Variants in FAM110C observed in about 807,000 individuals in gnomAD.
FAM110C encodes protein FAM110C.
Under a neutral mutation model 15.7 loss-of-function variants are expected in FAM110C, and 19 were observed. The ratio of observed to expected loss-of-function variants is 1.21; its 90% confidence interval spans 0.85 to 1.78. The LOEUF (loss-of-function observed/expected upper bound fraction) is 1.78. Among genes scored for constraint, FAM110C ranks in the 40% most tolerant of loss-of-function variants. FAM110C has a pLI of 0.00. For missense variants in FAM110C, 547 were observed against 495.7 expected, an observed-to-expected ratio of 1.10 and a Z score of -0.98; for synonymous variants, 275 against 233.9, an observed-to-expected ratio of 1.18 and a Z score of -1.61.
chr2:42,171 A>G, intron 1 of FAM110C: 1 of 985,454 alleles, frequency 1.0e-6, no homozygotes, highest in Non-Finnish European at 1.2e-6. Flanking sequence ...GAAGAAAGGA[A>G]AAGAAAGCTG....
Position 41,574 on chromosome 2 carries a change from C to T in FAM110C, c.*34G>A, listed in dbSNP as rs1442794729. On this transcript the variant is annotated 3_prime_UTR_variant, in exon 2 of 2. Transcript: ENST00000327669. ...CACTAGCCAAATGGTCCTGGGATCC[C>T]AAATCACCCATGAAATCCTTCAAGA... 3 of 1,613,222 alleles carry T rather than the reference C, an allele frequency of 1.9e-6. No individual in the cohort carries two copies. The Admixed American group carries it at 5.0e-5, about 27-fold the overall frequency.
In FAM110C at chr2:46,205, C is replaced by T. The variant is rs776334874; in HGVS notation, c.181G>A (p.Glu61Lys). The change falls in exon 1 of 2, where the codon GAG becomes AAG. Residue 61 changes from glutamate (E) to lysine (K), a missense_variant. Physicochemically the swap from Glu to Lys is moderately conservative, Grantham distance 56. Coordinates refer to ENST00000327669, the MANE Select transcript of FAM110C (RefSeq NM_001077710.3). ...TTGATCGCCCCCGGGCCGCTGCCCT[C>T]GGAAGCGACGCCCCGGCCAGTCCCC... The part of the protein sequence containing the change: ...RPGTGRGVAS[E>K]GSGPGAIKCP... 7.3e-7 allele frequency: 1 copy of T among 1,375,218 alleles called. No individual in the cohort carries two copies. Among genetic ancestry groups the T allele is most frequent in the South Asian group, 1.7e-5 (1 of 58,708 alleles). The allele number at this position is 1,375,218 out of a possible 1,614,324, so 85.2% of individuals were successfully genotyped here. A position where few individuals can be genotyped will look rare whatever the true frequency, so the allele number is the denominator to read the frequency against.
intron 1 of FAM110C, chr2:44,795 T>G (rs1031326936): frequency 1.0e-6 from 1 of 985,286 alleles, no homozygotes; most frequent in African/African-American, 1.7e-5. Context: ...TTTCCCCAGT[T>G]TAAAAACCTG....
chr2:46,426 G>A lies in FAM110C; in HGVS notation c.-41C>T. On this transcript the variant is annotated 5_prime_UTR_variant, in exon 1 of 2. Coordinates refer to ENST00000327669, the MANE Select transcript of FAM110C (RefSeq NM_001077710.3). Reference sequence around the variant, plus strand: ...ACCGACCGGGGTTCCGGGTCCAGCGGAGACGCGCTCGAGTGGTAGAGCCAG... The same window carrying A: ...ACCGACCGGGGTTCCGGGTCCAGCGAAGACGCGCTCGAGTGGTAGAGCCAG... 8.0e-7 allele frequency: 1 copy of A among 1,250,206 alleles called. No individual in the cohort carries two copies. The highest frequency in any genetic ancestry group is 1.0e-6 in the Non-Finnish European group (1 of 994,272). The allele number at this position is 1,250,206 out of a possible 1,614,324, so 77.4% of individuals were successfully genotyped here.
At position 45,588 on chromosome 2, in the gene FAM110C, G is replaced by C. The variant is rs1558182100; in HGVS notation, c.798C>G (p.Gly266=). The part of the protein sequence containing the change: ...SGSGFSRHSG[G]DDEGLQEEEL... ...CCTCCTCCTGCAGCCCCTCGTCGTCGCCGCCGCTGTGCCGGGAGAAGCCGC... is the reference window on the plus strand; with the variant it reads ...CCTCCTCCTGCAGCCCCTCGTCGTCCCCGCCGCTGTGCCGGGAGAAGCCGC... Residue 266 remains glycine, a synonymous_variant, in exon 1 of 2, where the codon GGC becomes GGG. Coordinates refer to ENST00000327669, the MANE Select transcript of FAM110C (RefSeq NM_001077710.3). The C allele has an allele frequency of 6.2e-7, 1 of 1,612,474 alleles. No homozygotes were observed. Among genetic ancestry groups the C allele is most frequent in the East Asian group, 2.2e-5 (1 of 44,862 alleles).
intron 1 of FAM110C, chr2:44,327 A>G (rs1664216880): frequency 1.0e-6 from 1 of 985,168 alleles, no homozygotes; most frequent in Non-Finnish European, 1.2e-6. Flanking sequence ...TGTCTGTACT[A>G]AAGTCATAGC....
chr2:39,471 GCA>G lies in FAM110C; in HGVS notation c.*2135_*2136del, dbSNP rs1443039213. The G allele has an allele frequency of 1.3e-5, 2 of 152,162 alleles. No individual in the cohort carries two copies. Among genetic ancestry groups the G allele is most frequent in the African/African-American group, 4.8e-5 (2 of 41,430 alleles). 9.4% of individuals were successfully genotyped at this position (152,162 alleles called of 1,614,324 possible). ...CACATACTCAAGATATGGAGCTGTG[GCA>G]TGAATCTGAATGGAAGGGAAGGAAA... On this transcript the variant is annotated 3_prime_UTR_variant, in exon 2 of 2. Coordinates refer to ENST00000327669, the MANE Select transcript of FAM110C (RefSeq NM_001077710.3).
chr2:41,895 C>T, intron 1 of FAM110C: 1 of 985,412 alleles, frequency 1.0e-6, no homozygotes, highest in Non-Finnish European at 1.2e-6. Context: ...TTGCCTCCAA[C>T]TACTCATGGG....
At chr2:42,954 G>A in intron 1 of FAM110C, 1 of 985,436 alleles carries the variant, frequency 1.0e-6, no homozygotes, top group Non-Finnish European at 1.2e-6. Context: ...GACTTCTGCA[G>A]GAAGTCAGAG....
At chr2:42,281 G>C in intron 1 of FAM110C, 5 of 985,276 alleles carry the variant, frequency 5.1e-6, no homozygotes, top group Non-Finnish European at 6.0e-6. Flanking sequence ...TTTTTTCTTT[G>C]TGTCAAGGAT....
Position 45,807 on chromosome 2 carries a change from C to A in FAM110C, c.579G>T (p.Arg193Ser), listed in dbSNP as rs1432180451. Residue 193 changes from arginine to serine, a missense_variant, in exon 1 of 2, where the codon AGG becomes AGT. Coordinates refer to ENST00000327669, the MANE Select transcript of FAM110C (RefSeq NM_001077710.3). ...ACTGTGAGCGCTGCAGCCCCCGACG[C>A]CTCACCACCCGCGGCTCTGGCCCAG... ...APPGPEPRVVRRRGLQRSQSD... is the reference protein window; with the variant it reads ...APPGPEPRVVSRRGLQRSQSD... 1.3e-6 allele frequency: 2 copies of A among 1,549,044 alleles called. No individual in the cohort carries two copies. Among genetic ancestry groups the A allele is most frequent in the Non-Finnish European group, 1.7e-6 (2 of 1,150,842 alleles).
In FAM110C at chr2:45,828, C is replaced by T. The variant is rs977659060; in HGVS notation, c.558G>A (p.Gly186=). Residue 186 remains glycine (G), a synonymous_variant, in exon 1 of 2, where the codon GGG becomes GGA. Coordinates refer to ENST00000327669, the MANE Select transcript of FAM110C (RefSeq NM_001077710.3). ...GACGCCTCACCACCCGCGGCTCTGG[C>T]CCAGGGGGCGCGGCCGGGACACTGG... ...APSSVPAAPP[G]PEPRVVRRRG... The T allele has an allele frequency of 6.5e-7, 1 of 1,541,858 alleles. No homozygotes were observed.
rs1553274138 is a variant in FAM110C at position 45,728 on chromosome 2, G to C, written c.658C>G (p.Gln220Glu). 1.9e-6 allele frequency: 3 copies of C among 1,599,688 alleles called. No individual in the cohort carries two copies. In the South Asian group the frequency reaches 3.4e-5, roughly 18 times the overall value. The change falls in exon 1 of 2, where the codon CAG (glutamine) becomes GAG (glutamate). Residue 220 changes from glutamine to glutamate, a missense_variant. Coordinates refer to ENST00000327669, the MANE Select transcript of FAM110C (RefSeq NM_001077710.3). ...ACCTCGGGGTCCAGGCCGCAGTACT[G>C]GAAGAAGGTGTCAGACTCGGCCAAG... is the stretch of plus-strand genomic sequence containing the variant. Reference protein sequence around the residue: ...AALAESDTFFQYCGLDPEVVE... With the variant: ...AALAESDTFFEYCGLDPEVVE...
At chr2:45,307 C>G in intron 1 of FAM110C, 133 bp downstream of exon 1, 4 of 1,436,788 alleles carry the variant, frequency 2.8e-6, no homozygotes, top group Middle Eastern at 4.8e-4. Context: ...TCTTGGGTCC[C>G]TTTCACACTG....
intron 1 of FAM110C, chr2:43,935 C>CG (rs1180350103): frequency 1.0e-6 from 1 of 985,298 alleles, no homozygotes; most frequent in Non-Finnish European, 1.2e-6. Flanking sequence ...TATCTCCCTT[C>CG]TTTTTATGGA....
Position 46,387 on chromosome 2 carries a change from T to A in FAM110C, c.-2A>T. The A allele has an allele frequency of 7.8e-7, 1 of 1,275,938 alleles. No homozygotes were observed. Among genetic ancestry groups the A allele is most frequent in the African/African-American group, 1.5e-5 (1 of 64,566 alleles). The allele number at this position is 1,275,938 out of a possible 1,614,324, so 79.0% of individuals were successfully genotyped here. On this transcript the variant is annotated 5_prime_UTR_variant, in exon 1 of 2. In the 5' UTR this introduces an upstream ATG that the reference lacks. Coordinates refer to ENST00000327669, the MANE Select transcript of FAM110C (RefSeq NM_001077710.3). ...GCTCAGGGCCGCCAGGGCGCGCATC[T>A]TCGCGGGGAATGGACCGACCGGGGT... is the stretch of plus-strand genomic sequence containing the variant.
chr2:42,833 A>G (rs1383931087), intron 1 of FAM110C: 5 of 985,314 alleles, frequency 5.1e-6, no homozygotes, highest in African/African-American at 3.5e-5. Flanking sequence ...AGTTTTCTGA[A>G]TCTTTCAAGA....
Position 41,618 on chromosome 2 carries a change from G to A in FAM110C, c.956C>T (p.Pro319Leu), listed in dbSNP as rs2103269305. The A allele has an allele frequency of 6.2e-7, 1 of 1,613,522 alleles. No homozygotes were observed. The highest frequency in any genetic ancestry group is 8.5e-7 in the Non-Finnish European group (1 of 1,179,818). Residue 319 changes from proline (P) to leucine (L), a missense_variant, in exon 2 of 2, where the codon CCT becomes CTT. Coordinates refer to ENST00000327669, the MANE Select transcript of FAM110C (RefSeq NM_001077710.3). ...QEQSRTRGSK[P>L]SR is the part of the protein sequence containing the mutation. ...TTCAAGAAGTCTTCATCATCGGGAA[G>A]GTTTGCTTCCTGAGGAGTTAAAGAA...
chr2:43,560 G>A (rs1224392079), intron 1 of FAM110C: 1 of 985,392 alleles, frequency 1.0e-6, no homozygotes, highest in Non-Finnish European at 1.2e-6. Flanking sequence ...AAGGTCTTTA[G>A]GATTTAGTCT....
Sources: allele counts gnomAD v4.1 joint callset, GRCh38; gene constraint gnomAD v4.1.1; transcripts MANE v1.5; gene names NCBI Gene and HGNC (gene_info 2026-07-23, HGNC 2026-07-21).